CSMD1: variants seen among roughly 807,000 people sequenced by gnomAD.
CSMD1 encodes the protein CUB and Sushi multiple domains 1.
In CSMD1, 213 loss-of-function variants were observed where a neutral mutation model predicts 417.5. That is an observed-to-expected ratio of 0.51 (90% confidence interval 0.46 to 0.57). The LOEUF (loss-of-function observed/expected upper bound fraction) is 0.57. CSMD1 is among the 20% of genes least tolerant of loss of function. The probability of loss-of-function intolerance (pLI) is 0.00; values close to 1 mark genes in which losing one functional copy is unlikely to be tolerated. For synonymous variants in CSMD1, 2,862 were observed against 1,736.8 expected (o/e 1.65, Z -16.11); for missense variants, 6,923 against 4,529.7 (o/e 1.53, Z -15.17).
chr8:4,454,701 A>T (rs944041545), intron 2 of CSMD1, among the ~76,000 whole-genome samples: 2 of 152,200 alleles, frequency 1.3e-5, no homozygotes, highest in African/African-American at 4.8e-5. Context: ...GCAGCTAATC[A>T]ACCTGAAACT....
At chr8:4,339,633 G>T (rs948912076) in intron 3 of CSMD1, among the ~76,000 whole-genome samples, 5 of 152,060 alleles carry the variant, frequency 3.3e-5, no homozygotes, top group Admixed American at 3.3e-4. Flanking sequence ...TGCCCACATA[G>T]GAAAACATTC....
intron 50 of CSMD1, chr8:3,043,607 T>C (rs984271598): frequency 5.3e-5 from 8 of 152,144 alleles, no homozygotes; most frequent in Non-Finnish European, 1.2e-4. Flanking sequence ...CACTGACTAG[T>C]AGTAGTTTTA....
At chr8:4,841,037 G>A (rs141700424) in intron 1 of CSMD1, among the ~76,000 whole-genome samples, 1 of 152,168 alleles carries the variant, frequency 6.6e-6, no homozygotes, top group Non-Finnish European at 1.5e-5. Context: ...CACCCTGTCA[G>A]CACCAACGTT....
intron 2 of CSMD1, among the ~76,000 whole-genome samples, chr8:4,421,840 A>G (rs542257837): frequency 6.6e-6 from 1 of 151,996 alleles, no homozygotes; most frequent in Non-Finnish European, 1.5e-5. Context: ...AGAAATCAAT[A>G]AAATTGAAAG....
intron 3 of CSMD1, among the ~76,000 whole-genome samples, chr8:4,303,690 C>T (rs1236515711): frequency 1.3e-5 from 2 of 151,930 alleles, no homozygotes; most frequent in African/African-American, 2.4e-5. Context: ...TAGTCTTGCT[C>T]TCTTGCCCAG....
intron 37 of CSMD1, among the ~76,000 whole-genome samples, chr8:3,180,658 C>T (rs971641652): frequency 2.0e-5 from 3 of 151,974 alleles, no homozygotes; most frequent in Non-Finnish European, 2.9e-5. Flanking sequence ...GTTTTTGAAA[C>T]GGCATCTCGC....
chr8:3,538,269 C>G (rs1798286759), intron 10 of CSMD1, among the ~76,000 whole-genome samples: 1 of 152,204 alleles, frequency 6.6e-6, no homozygotes, highest in Admixed American at 6.5e-5. Context: ...AGATGCTTCA[C>G]CTTCAGTGGT....
intron 3 of CSMD1, among the ~76,000 whole-genome samples, chr8:4,202,539 G>C (rs539890838): frequency 1.3e-5 from 2 of 152,146 alleles, no homozygotes; most frequent in Non-Finnish European, 2.9e-5. Flanking sequence ...AACTCTATTT[G>C]TCAGGACATC....
intron 3 of CSMD1, among the ~76,000 whole-genome samples, chr8:4,062,690 G>A (rs188355718): frequency 1.3e-5 from 2 of 151,926 alleles, no homozygotes; most frequent in Admixed American, 6.6e-5. Context: ...GACCCATGAT[G>A]GCAAAGCCAC....
At chr8:3,743,366 A>G (rs1403662954) in intron 6 of CSMD1, among the ~76,000 whole-genome samples, 2 of 152,200 alleles carry the variant, frequency 1.3e-5, no homozygotes, top group Non-Finnish European at 2.9e-5. Flanking sequence ...AAAATAGATA[A>G]TTTGCCGTCC....
At chr8:3,934,889 C>A (rs1392267265) in intron 5 of CSMD1, among the ~76,000 whole-genome samples, 2 of 152,014 alleles carry the variant, frequency 1.3e-5, no homozygotes, top group African/African-American at 4.8e-5. Context: ...ATTGGTATAT[C>A]TGTTTGAGTT....
At chr8:4,023,785 GT>G (rs1363664123) in intron 4 of CSMD1, among the ~76,000 whole-genome samples, 723 of 41,918 alleles carry the variant, frequency 0.017, 18 homozygotes, top group East Asian at 0.17. Flanking sequence ...TTTTTTTTTT[GT>G]GTGTGTATTT....
At chr8:3,916,318 G>A (rs569042871) in intron 5 of CSMD1, among the ~76,000 whole-genome samples, 11 of 152,134 alleles carry the variant, frequency 7.2e-5, no homozygotes, top group East Asian at 3.9e-4. Flanking sequence ...TCAGCACTAC[G>A]CCGGATATTT....
intron 3 of CSMD1, among the ~76,000 whole-genome samples, chr8:4,419,292 G>A (rs563414004): frequency 1.3e-5 from 2 of 152,090 alleles, no homozygotes; most frequent in South Asian, 4.2e-4. Flanking sequence ...GACACACATC[G>A]GCCTTTAAAG....
chr8:4,077,110 T>C (rs1799859332), intron 3 of CSMD1, among the ~76,000 whole-genome samples: 1 of 151,710 alleles, frequency 6.6e-6, no homozygotes, highest in Admixed American at 6.6e-5. Context: ...CCTACTTCAT[T>C]TTAGTGATGA....
At position 3,741,209 on chromosome 8, in the gene CSMD1, G is replaced by A. The variant is rs556584910; in HGVS notation, c.931+12721C>T. The stretch of plus-strand genomic sequence containing the variant: ...AGCCCGGGCAACAGAGCAAGACTCC[G>A]TCTTAAAAAAAAAAAAAAAAAAAAA... On this transcript the variant is annotated intron_variant, in intron 6 of 69. Transcript: ENST00000635120. Among the ~76,000 whole-genome samples the A allele has an allele frequency of 1.1e-3, 93 of 82,604 alleles. 2 individuals are homozygous for A. The highest frequency in any genetic ancestry group is 1.0e-3 in the Admixed American group (6 of 5,820). 54.2% of individuals were successfully genotyped at this position (82,604 alleles called of 152,430 possible).
chr8:4,521,047 T>C (rs1349860533), intron 2 of CSMD1, among the ~76,000 whole-genome samples: 2 of 152,204 alleles, frequency 1.3e-5, no homozygotes, highest in African/African-American at 4.8e-5. Context: ...TTACTTACAG[T>C]CAGAAAATTT....
At chr8:3,670,880 G>T (rs1798980569) in intron 7 of CSMD1, among the ~76,000 whole-genome samples, 1 of 115,636 alleles carries the variant, frequency 8.6e-6, no homozygotes, top group East Asian at 2.4e-4. Flanking sequence ...TATGTATATG[G>T]GATATATATG....
chr8:3,074,884 A>C (rs7821141), intron 49 of CSMD1, among the ~76,000 whole-genome samples: 1 of 151,994 alleles, frequency 6.6e-6, no homozygotes, highest in African/African-American at 2.4e-5. Flanking sequence ...GTTTGTATCT[A>C]TGTCCCCACT....
Sources: gnomAD v4.1 joint callset for allele counts (sites outside exome capture counted in the v4.1 genomes callset) on GRCh38, gnomAD v4.1.1 for gene constraint, MANE v1.5 for transcripts, NCBI Gene and HGNC (gene_info 2026-07-23, HGNC 2026-07-21) for gene names.